LRBA: variants seen among roughly 807,000 people sequenced by gnomAD.
The protein encoded by LRBA is LPS responsive beige-like anchor protein, also known as lipopolysaccharide-responsive and beige-like anchor protein.
Under a neutral mutation model 330.0 loss-of-function variants are expected in LRBA, and 176 were observed. The ratio of observed to expected loss-of-function variants is 0.53; its 90% CI spans 0.47 to 0.60. LRBA has a LOEUF of 0.60. Among genes scored for constraint, LRBA ranks in the 20% least tolerant of loss-of-function variants. The pLI is 0.00. For synonymous variants in LRBA, 1,230 were observed against 1,193.0 expected (o/e 1.03, Z -0.64); for missense variants, 3,259 against 3,444.8 (o/e 0.95, Z 1.35).
At chr4:150,643,609 G>A (rs1423090009) in intron 37 of LRBA, among the ~76,000 whole-genome samples, 3 of 151,942 alleles carry the variant, frequency 2.0e-5, no homozygotes, top group Admixed American at 2.0e-4. Flanking sequence ...GCAGTCCAGT[G>A]TTGTCAGAGC....
At chr4:151,007,412 G>A (rs1250948280) in intron 2 of LRBA, among the ~76,000 whole-genome samples, 2 of 151,986 alleles carry the variant, frequency 1.3e-5, no homozygotes, top group Admixed American at 6.6e-5. Flanking sequence ...GGCTGAGGCA[G>A]GAGAATAGTG....
intron 40 of LRBA, among the ~76,000 whole-genome samples, chr4:150,497,687 A>G (rs1759756065): frequency 1.3e-5 from 2 of 152,210 alleles, no homozygotes; most frequent in Admixed American, 1.3e-4. Flanking sequence ...TTAAAAATAT[A>G]TAAATAAAAT....
intron 31 of LRBA, among the ~76,000 whole-genome samples, chr4:150,811,789 A>C (rs1743778723): frequency 6.6e-6 from 1 of 152,136 alleles, no homozygotes; most frequent in Admixed American, 6.6e-5. Flanking sequence ...ACAGGTGTAA[A>C]TCACCACACC....
chr4:150,660,532 G>A (rs1455803764), intron 37 of LRBA, among the ~76,000 whole-genome samples: 1 of 151,210 alleles, frequency 6.6e-6, no homozygotes, highest in Non-Finnish European at 1.5e-5. Context: ...GAGGTGAGGG[G>A]CGCCTCTGCC....
At position 150,583,365 on chromosome 4, in the gene LRBA, C is replaced by G; in HGVS notation, c.6330+4683G>C. 1 of 1,614,182 alleles carries G rather than the reference C, an allele frequency of 6.2e-7. No homozygotes were observed. The highest frequency in any genetic ancestry group is 8.5e-7 in the Non-Finnish European group (1 of 1,180,040). On this transcript the variant is annotated intron_variant, in intron 40 of 56. Coordinates refer to ENST00000651943, the MANE Select transcript of LRBA (RefSeq NM_001364905.1). The surrounding 1 kb of genome is among the most constrained non-coding windows in gnomAD (Gnocchi z 9.8). ...ATGGGCGGAAGCGGAGCATGTCTCT[C>G]TGGGTCGAGTTCATCACGGCGTCGG...
At chr4:150,948,713 A>G (rs1428992346) in intron 2 of LRBA, among the ~76,000 whole-genome samples, 1 of 151,986 alleles carries the variant, frequency 6.6e-6, no homozygotes, top group African/African-American at 2.4e-5. Context: ...TATCTGACAA[A>G]AGAATAATAT....
At chr4:150,428,872 C>T (rs1749991828) in intron 46 of LRBA, among the ~76,000 whole-genome samples, 2 of 152,098 alleles carry the variant, frequency 1.3e-5, no homozygotes, top group African/African-American at 4.8e-5. Context: ...GATCAATAAG[C>T]AATGTGCCAA....
intron 47 of LRBA, among the ~76,000 whole-genome samples, chr4:150,404,059 T>C (rs1428164256): frequency 1.3e-5 from 2 of 151,928 alleles, no homozygotes; most frequent in Non-Finnish European, 2.9e-5. Context: ...AAACCAGAAG[T>C]ATTTTGAATA....
chr4:150,964,063 G>A (rs1443169875), intron 2 of LRBA, among the ~76,000 whole-genome samples: 5 of 146,944 alleles, frequency 3.4e-5, no homozygotes, highest in East Asian at 3.9e-4. Context: ...CCCTCCGCCC[G>A]GCAGCCTCCC....
chr4:150,454,712 T>C (rs902704057), intron 44 of LRBA, among the ~76,000 whole-genome samples: 3 of 152,112 alleles, frequency 2.0e-5, no homozygotes, highest in Non-Finnish European at 4.4e-5. Flanking sequence ...ATAGGTGATC[T>C]TTCATCCCTC....
At chr4:150,909,478 T>C (rs921419660) in intron 9 of LRBA, among the ~76,000 whole-genome samples, 6 of 152,132 alleles carry the variant, frequency 3.9e-5, no homozygotes, top group African/African-American at 1.4e-4. Flanking sequence ...AGGTTGAATA[T>C]GGTCCCGTGT....
At chr4:150,956,243 T>C (rs953438508) in intron 2 of LRBA, among the ~76,000 whole-genome samples, 6 of 148,994 alleles carry the variant, frequency 4.0e-5, no homozygotes, top group African/African-American at 1.0e-4. Flanking sequence ...CTATGAACAA[T>C]TGTATGCCAA....
At chr4:150,599,891 ACT>A (rs1434682840) in intron 37 of LRBA, among the ~76,000 whole-genome samples, 1 of 152,024 alleles carries the variant, frequency 6.6e-6, no homozygotes, top group Non-Finnish European at 1.5e-5. Flanking sequence ...TGTTTTATGT[ACT>A]CTGTTTTTAT....
At chr4:150,296,946 T>G (rs1273533160) in intron 53 of LRBA, among the ~76,000 whole-genome samples, 5 of 151,418 alleles carry the variant, frequency 3.3e-5, no homozygotes, top group African/African-American at 1.2e-4. Flanking sequence ...TGCAATATTT[T>G]AAAAGCAGAA....
At chr4:150,921,803 G>A (rs1028349930) in intron 4 of LRBA, among the ~76,000 whole-genome samples, 23 of 151,974 alleles carry the variant, frequency 1.5e-4, no homozygotes, top group African/African-American at 2.9e-4. Context: ...TCGGCTCACC[G>A]CAACCTCCGC....
chr4:150,354,113 A>G (rs1452688898), intron 47 of LRBA, among the ~76,000 whole-genome samples: 1 of 152,160 alleles, frequency 6.6e-6, no homozygotes, highest in Non-Finnish European at 1.5e-5. Context: ...AAGGGAAAAA[A>G]TACAAACAGA....
At chr4:150,549,503 T>C (rs1561335338) in intron 40 of LRBA, among the ~76,000 whole-genome samples, 1 of 152,014 alleles carries the variant, frequency 6.6e-6, no homozygotes, top group Non-Finnish European at 1.5e-5. Context: ...GGCTAATTTT[T>C]TGTATTTTTA....
chr4:150,393,945 C>CA (rs918677793), intron 47 of LRBA, among the ~76,000 whole-genome samples: 1 of 152,196 alleles, frequency 6.6e-6, no homozygotes, highest in Non-Finnish European at 1.5e-5. Flanking sequence ...CATGTTTTCA[C>CA]AAGAGTAATA....
chr4:150,443,337 C>T (rs1008021296), intron 44 of LRBA, among the ~76,000 whole-genome samples: 2 of 152,086 alleles, frequency 1.3e-5, no homozygotes, highest in Admixed American at 1.3e-4. Context: ...ACCCAGCCAT[C>T]CCATTACTGG....
Sources: allele counts gnomAD v4.1 joint callset (sites outside exome capture counted in the v4.1 genomes callset), GRCh38; gene constraint gnomAD v4.1.1; non-coding constraint Gnocchi (gnomAD v3.1); transcripts MANE v1.5; gene names NCBI Gene and HGNC (gene_info 2026-07-23, HGNC 2026-07-21).